Variants in ARHGAP10 observed in about 807,000 individuals in gnomAD.
ARHGAP10 encodes the protein rho GTPase-activating protein 10.
ARHGAP10 carries 87 observed loss-of-function variants against 108.6 expected under a neutral mutation model. The ratio of observed to expected loss-of-function variants is 0.80; its 90% CI spans 0.67 to 0.96. ARHGAP10 has a LOEUF of 0.96. ARHGAP10 is among the 40% of genes least tolerant of loss of function. The probability of loss-of-function intolerance (pLI) is 0.00; values close to 1 mark genes in which losing one functional copy is unlikely to be tolerated. For missense variants in ARHGAP10, 939 were observed against 954.5 expected (o/e 0.98, Z 0.21); for synonymous variants, 347 against 341.1 (o/e 1.02, Z -0.19).
intron 4 of ARHGAP10, 22 bp downstream of exon 4, chr4:147,847,244 A>T (rs1733673043): frequency 6.3e-7 from 1 of 1,584,672 alleles, no homozygotes; most frequent in Non-Finnish European, 8.7e-7. Flanking sequence ...ATTTGAATAC[A>T]CTCAGAAAAC....
chr4:148,028,823 A>C (rs1017955133), intron 19 of ARHGAP10, among the ~76,000 whole-genome samples: 1 of 152,226 alleles, frequency 6.6e-6, no homozygotes, highest in Non-Finnish European at 1.5e-5. Context: ...GAGATGTTAA[A>C]GCAAATCGGG....
intron 15 of ARHGAP10, among the ~76,000 whole-genome samples, chr4:147,947,207 AT>A (rs1738419702): frequency 6.7e-6 from 1 of 148,626 alleles, no homozygotes. Context: ...AGAGGGTAGC[AT>A]TTTTTTATGA....
At chr4:148,011,950 A>G (rs1289039102) in intron 18 of ARHGAP10, among the ~76,000 whole-genome samples, 1 of 152,236 alleles carries the variant, frequency 6.6e-6, no homozygotes, top group Non-Finnish European at 1.5e-5. Context: ...GCGTAAGAAT[A>G]ACAGATAGTG....
Position 147,883,703 on chromosome 4 carries a change from C to CT in ARHGAP10, c.1034+1780dup, listed in dbSNP as rs1394751006. 1.2e-4 allele frequency among the ~76,000 whole-genome samples: 18 copies of CT among 151,328 alleles called. No homozygotes were observed. In the South Asian group the frequency reaches 1.5e-3, roughly 12 times the overall value. ...CATCTTACCTTTTTCTTTTTTCTTTCTTTTTTTTTGAGACGAGTCTCACTT... is the reference window on the plus strand; with the variant it reads ...CATCTTACCTTTTTCTTTTTTCTTTCTTTTTTTTTTGAGACGAGTCTCACTT... On this transcript the variant is annotated intron_variant, in intron 10 of 22. Transcript: ENST00000336498.
chr4:147,845,807 C>T (rs893944389), intron 3 of ARHGAP10, among the ~76,000 whole-genome samples: 1 of 152,154 alleles, frequency 6.6e-6, no homozygotes, highest in African/African-American at 2.4e-5. Context: ...AATTCATGCA[C>T]TGTGAAAACG....
chr4:148,040,702 A>G (rs939537248), intron 19 of ARHGAP10, among the ~76,000 whole-genome samples: 15 of 152,186 alleles, frequency 9.9e-5, no homozygotes, highest in African/African-American at 3.6e-4. Flanking sequence ...TCTTGGAACC[A>G]TAAACCTTTG....
chr4:147,985,717 C>T (rs1394808813), intron 18 of ARHGAP10, among the ~76,000 whole-genome samples: 1 of 152,178 alleles, frequency 6.6e-6, no homozygotes, highest in Non-Finnish European at 1.5e-5. Flanking sequence ...AAATGGCATC[C>T]CCTTGTCATT....
rs558462558 is a variant in ARHGAP10, at chr4:148,037,087, G to A, written c.1868-9805G>A. Among the ~76,000 whole-genome samples the A allele has an allele frequency of 2.6e-5, 4 of 152,226 alleles. 1 individual carries two copies. The South Asian group carries it at 8.3e-4, about 32-fold the overall frequency. On this transcript the variant is annotated intron_variant, in intron 19 of 22. Coordinates refer to ENST00000336498, the MANE Select transcript of ARHGAP10 (RefSeq NM_024605.4). ...TTCCCTCAGTCTTATGGTAACTTTGGGGATCTGGTCACCCAGTTTCTGAAA... is the reference window on the plus strand; with the variant it reads ...TTCCCTCAGTCTTATGGTAACTTTGAGGATCTGGTCACCCAGTTTCTGAAA...
chr4:148,063,311 T>C lies in ARHGAP10; in HGVS notation c.2180+11T>C, dbSNP rs575391443. The C allele has an allele frequency of 3.1e-6, 5 of 1,614,074 alleles. No individual in the cohort carries two copies. The East Asian group carries it at 1.1e-4, about 36-fold the overall frequency. Reference sequence around the variant, plus strand: ...CAAGCCACCTGAAAGGTACGTGGTTTGGAGTGGAATGTGGAATATGGTGGC... The same window carrying C: ...CAAGCCACCTGAAAGGTACGTGGTTCGGAGTGGAATGTGGAATATGGTGGC... On this transcript the variant is annotated intron_variant, in intron 21 of 22. Transcript: ENST00000336498.
intron 1 of ARHGAP10, among the ~76,000 whole-genome samples, chr4:147,775,651 C>T (rs1170059893): frequency 6.6e-6 from 1 of 152,120 alleles, no homozygotes; most frequent in African/African-American, 2.4e-5. Context: ...GCTACGCTGA[C>T]CTGGTTTTGA....
chr4:147,969,945 T>C (rs1739344502), intron 18 of ARHGAP10, among the ~76,000 whole-genome samples: 1 of 152,214 alleles, frequency 6.6e-6, no homozygotes, highest in Non-Finnish European at 1.5e-5. Flanking sequence ...GATTCTTCAC[T>C]GTGTGCTTGG....
intron 7 of ARHGAP10, among the ~76,000 whole-genome samples, chr4:147,871,834 C>T (rs961209221): frequency 3.3e-5 from 5 of 152,060 alleles, no homozygotes; most frequent in African/African-American, 7.2e-5. Context: ...GGGATGGTGG[C>T]TCACGCCTAT....
intron 14 of ARHGAP10, among the ~76,000 whole-genome samples, chr4:147,945,093 C>T (rs1054775668): frequency 2.1e-4 from 32 of 152,218 alleles, no homozygotes; most frequent in African/African-American, 7.0e-4. Flanking sequence ...TTGTTAGAAG[C>T]GTGTAAGCCC....
intron 10 of ARHGAP10, among the ~76,000 whole-genome samples, chr4:147,886,690 A>G (rs530827047): frequency 1.3e-5 from 2 of 152,276 alleles, no homozygotes; most frequent in East Asian, 3.9e-4. Flanking sequence ...TACTGTATTC[A>G]TGGGATCACT....
chr4:147,907,151 A>G (rs181708563), intron 11 of ARHGAP10, among the ~76,000 whole-genome samples: 96 of 152,288 alleles, frequency 6.3e-4, no homozygotes, highest in Admixed American at 1.0e-3. Context: ...TTAAAGTTTC[A>G]TCTAGTAGTT....
intron 1 of ARHGAP10, among the ~76,000 whole-genome samples, chr4:147,815,517 T>C (rs886700448): frequency 6.6e-6 from 1 of 152,082 alleles, no homozygotes; most frequent in African/African-American, 2.4e-5. Flanking sequence ...GTAGGGCCCA[T>C]TGTAATCACA....
chr4:147,808,665 G>GTTT (rs1194118763), intron 1 of ARHGAP10, among the ~76,000 whole-genome samples: 2 of 152,066 alleles, frequency 1.3e-5, no homozygotes, highest in African/African-American at 4.8e-5. Context: ...AGGGGGTTAA[G>GTTT]GGAAAGGCAG....
intron 1 of ARHGAP10, among the ~76,000 whole-genome samples, chr4:147,807,981 G>T (rs1370146024): frequency 6.6e-6 from 1 of 152,200 alleles, no homozygotes; most frequent in East Asian, 1.9e-4. Flanking sequence ...TAATAAAAAG[G>T]TAACGGGAAA....
At chr4:147,811,108 G>A (rs759666369) in intron 1 of ARHGAP10, among the ~76,000 whole-genome samples, 1 of 152,078 alleles carries the variant, frequency 6.6e-6, no homozygotes, top group African/African-American at 2.4e-5. Context: ...TTCATTTTCA[G>A]TGTTCTGCTA....
Sources: allele counts gnomAD v4.1 joint callset (sites outside exome capture counted in the v4.1 genomes callset), GRCh38; gene constraint gnomAD v4.1.1; transcripts MANE v1.5; gene names NCBI Gene and HGNC (gene_info 2026-07-23, HGNC 2026-07-21).